Variants in HYOU1 observed in about 807,000 individuals in gnomAD.
HYOU1 encodes hypoxia up-regulated 1, also known as hypoxia up-regulated protein 1.
HYOU1 carries 40 observed loss-of-function variants against 120.5 expected under a neutral mutation model. The observed-to-expected ratio is 0.33, with a 90% CI of 0.26 to 0.43. The LOEUF is 0.43. Ranked by LOEUF, HYOU1 falls within the 20% of genes least tolerant of loss-of-function variation. HYOU1 has a pLI of 1.00. For missense variants in HYOU1, 1,085 were observed against 1,278.3 expected, an observed-to-expected ratio of 0.85 and a Z score of 2.31; for synonymous variants, 501 against 479.4, an observed-to-expected ratio of 1.05 and a Z score of -0.59.
chr11:119,051,271 C>T lies in HYOU1; in HGVS notation c.1527-98G>A. ...CTGGCACAAGGTGTCAGGGGCACTC[C>T]CCAAGGGCACACTCAAGAGGACGGA... On this transcript the variant is annotated intron_variant, in intron 13 of 25. Transcript: ENST00000617285. The surrounding 1 kb of genome is among the most constrained non-coding windows in gnomAD (Gnocchi z 4.2). 1 of 1,544,362 alleles carries T rather than the reference C, an allele frequency of 6.5e-7. No homozygotes were observed. Among genetic ancestry groups the T allele is most frequent in the Non-Finnish European group, 8.9e-7 (1 of 1,129,860 alleles).
At position 119,047,451 on chromosome 11, in the gene HYOU1, A is replaced by C; in HGVS notation, c.2595+283T>G. Reference sequence around the variant, plus strand: ...CATGACACATCAGTTTCACCTAGCCAAACCCTGGCCCATGTTCTGAACCTA... The same window carrying C: ...CATGACACATCAGTTTCACCTAGCCCAACCCTGGCCCATGTTCTGAACCTA... On this transcript the variant is annotated intron_variant, in intron 22 of 25. Coordinates refer to ENST00000617285, the MANE Select transcript of HYOU1 (RefSeq NM_006389.5). 3 of 394,956 alleles carry C rather than the reference A, an allele frequency of 7.6e-6. 1 individual carries two copies. The East Asian group carries it at 1.7e-4, about 22-fold the overall frequency. 24.5% of individuals were successfully genotyped at this position (394,956 alleles called of 1,614,324 possible).
rs1324596988 is a variant in HYOU1 at position 119,048,313 on chromosome 11, T to G, written c.2311A>C (p.Ile771Leu). 2.5e-6 allele frequency: 4 copies of G among 1,610,768 alleles called. No individual in the cohort carries two copies. Among genetic ancestry groups the G allele is most frequent in the Middle Eastern group, 1.7e-4 (1 of 5,796 alleles). ...GATGCGGCGCTGAGCTTCCCAGAGA[T>G]CTCCTCACGCTGCTCCTCTGTGGAC... ...EVSTEEQREE[I>L]SGKLSAASTW... The change falls in exon 20 of 26, where the codon ATC (isoleucine) becomes CTC (leucine). Residue 771 changes from isoleucine to leucine, a missense_variant. Ile to Leu is a conservative substitution (Grantham distance 5, BLOSUM62 2). This residue lies in a region of HYOU1 where 516 missense variants were observed against 517.1 expected (regional missense o/e 1.00). Coordinates refer to ENST00000617285, the MANE Select transcript of HYOU1 (RefSeq NM_006389.5). This position sits in a 1 kb window ranked among gnomAD's most constrained non-coding sequence, Gnocchi z 4.7.
At position 119,049,314 on chromosome 11, in the gene HYOU1, G is replaced by A. The variant is rs2133571972; in HGVS notation, c.1807-111C>T. On this transcript the variant is annotated intron_variant, in intron 16 of 25. Transcript: ENST00000617285. The stretch of plus-strand genomic sequence containing the variant: ...GTTCCATACAGGTGACTGCTGTATG[G>A]AAACGGTCAATGGCCTGCTTGGACT... 7.7e-6 allele frequency: 12 copies of A among 1,565,072 alleles called. No individual in the cohort carries two copies. In the South Asian group the frequency reaches 1.3e-4, roughly 16 times the overall value.
Position 119,048,872 on chromosome 11 carries a change from C to T in HYOU1, c.2007G>A (p.Lys669=), listed in dbSNP as rs1210554306. 1 of 1,607,380 alleles carries T rather than the reference C, an allele frequency of 6.2e-7. No individual in the cohort carries two copies. Among genetic ancestry groups the T allele is most frequent in the Non-Finnish European group, 8.5e-7 (1 of 1,177,246 alleles). ...DKSEAQKPSE[K]AEAGPEGVAP... ...CGACGCCCTCAGGCCCTGCCTCTGC[C>T]TTCTCACTTGGTTTCTGGGTGGGAA... The change falls in exon 18 of 26, where the codon AAG becomes AAA. Residue 669 remains lysine (K), a synonymous_variant. Transcript: ENST00000617285. The surrounding 1 kb of genome is among the most constrained non-coding windows in gnomAD (Gnocchi z 4.7).
chr11:119,052,364 C>T lies in HYOU1; in HGVS notation c.1053G>A (p.Leu351=), dbSNP rs2133592219. The change falls in exon 10 of 26, where the codon TTG becomes TTA. Residue 351 remains leucine, a synonymous_variant. Coordinates refer to ENST00000617285, the MANE Select transcript of HYOU1 (RefSeq NM_006389.5). The surrounding 1 kb of genome is among the most constrained non-coding windows in gnomAD (Gnocchi z 5.0). ...GCACCCGCTCAAACAAGTCTGCACACAACTCCTCAAATTCCACACGAGTCA... is the reference window on the plus strand; with the variant it reads ...GCACCCGCTCAAACAAGTCTGCACATAACTCCTCAAATTCCACACGAGTCA... ...AKVTRVEFEE[L]CADLFERVPG... is the part of the protein sequence containing the mutation. The T allele has an allele frequency of 1.9e-6, 3 of 1,614,268 alleles. No individual in the cohort carries two copies. The highest frequency in any genetic ancestry group is 2.5e-6 in the Non-Finnish European group (3 of 1,180,054).
At chr11:119,046,848 C>G (rs2133554005) in intron 22 of HYOU1, 46 bp from the exon 23 acceptor site, 1 of 1,585,416 alleles carries the variant, frequency 6.3e-7, no homozygotes, top group African/African-American at 1.3e-5. Context: ...ATGGAGAGAG[C>G]AGACATCTCT....
chr11:119,045,283 T>C lies in HYOU1; in HGVS notation c.*310A>G. 1.9e-6 allele frequency: 1 copy of C among 535,368 alleles called. No individual in the cohort carries two copies. Among genetic ancestry groups the C allele is most frequent in the Non-Finnish European group, 3.6e-6 (1 of 278,046 alleles). 33.2% of individuals were successfully genotyped at this position (535,368 alleles called of 1,614,324 possible). ...GGGACCCATCAGCCACTGGCAGCCA[T>C]TCTCTTCCTACCCACAGGCAAAGGA... On this transcript the variant is annotated 3_prime_UTR_variant, in exon 26 of 26. Transcript: ENST00000617285.
intron 14 of HYOU1, among the ~76,000 whole-genome samples, chr11:119,050,050 C>G (rs1944331799): frequency 6.6e-6 from 1 of 152,184 alleles, no homozygotes; most frequent in South Asian, 2.1e-4. Flanking sequence ...TCCAAAGAGC[C>G]CCCTACTTCT....
chr11:119,051,342 G>T lies in HYOU1; in HGVS notation c.1526+96C>A. 6.7e-7 allele frequency: 1 copy of T among 1,494,596 alleles called. No homozygotes were observed. Among genetic ancestry groups the T allele is most frequent in the Non-Finnish European group, 9.2e-7 (1 of 1,089,602 alleles). The allele number at this position is 1,494,596 out of a possible 1,614,324, so 92.6% of individuals were successfully genotyped here. A position where few individuals can be genotyped will look rare whatever the true frequency, so the allele number is the denominator to read the frequency against. ...ATCATAGCTGCCCTGTTTCAGCCCC[G>T]CAGGCCCACATCCTCCCTCACCCCC... On this transcript the variant is annotated intron_variant, in intron 13 of 25. Transcript: ENST00000617285. This position sits in a 1 kb window ranked among gnomAD's most constrained non-coding sequence, Gnocchi z 4.2.
In HYOU1 at chr11:119,056,182, G is replaced by C. The variant is rs1223081023; in HGVS notation, c.-7-15C>G. 1.9e-6 allele frequency: 3 copies of C among 1,574,588 alleles called. No homozygotes were observed. In the African/African-American group the frequency reaches 4.0e-5, roughly 21 times the overall value. On this transcript the variant is annotated splice_polypyrimidine_tract_variant and intron_variant, in intron 1 of 25. Transcript: ENST00000617285. ...CCATAGTGCCCCTGGGGGAGGCGAA[G>C]AAAGAAAACACTTAAAACTGGATAC...
At chr11:119,046,930 G>T in intron 22 of HYOU1, 128 bp from the exon 23 acceptor site, 1 of 1,215,072 alleles carries the variant, frequency 8.2e-7, no homozygotes, top group Non-Finnish European at 1.1e-6. Flanking sequence ...CCTGGCCTCA[G>T]CCCCAAGAGG....
rs1389347764 is a variant in HYOU1, at chr11:119,048,931, CTACA to C, written c.1993-49_1993-46del. 2 of 1,607,704 alleles carry C rather than the reference CTACA, an allele frequency of 1.2e-6. No individual in the cohort carries two copies. The highest frequency in any genetic ancestry group is 1.7e-6 in the Non-Finnish European group (2 of 1,177,122). ...GGTGTCAGGAAAAGCCTCTGCCCTC[CTACA>C]TTCTCCACAAGGCCAGAAACAAGGC... On this transcript the variant is annotated intron_variant, in intron 17 of 25. Coordinates refer to ENST00000617285, the MANE Select transcript of HYOU1 (RefSeq NM_006389.5). This position sits in a 1 kb window ranked among gnomAD's most constrained non-coding sequence, Gnocchi z 4.7.
At position 119,056,117 on chromosome 11, in the gene HYOU1, C is replaced by A; in HGVS notation, c.44G>T (p.Cys15Phe). 1 of 1,614,152 alleles carries A rather than the reference C, an allele frequency of 6.2e-7. No individual in the cohort carries two copies. Among genetic ancestry groups the A allele is most frequent in the Non-Finnish European group, 8.5e-7 (1 of 1,180,040 alleles). The change falls in exon 2 of 26, where the codon TGT (cysteine) becomes TTT (phenylalanine). Residue 15 changes from cysteine (C) to phenylalanine (F), a missense_variant. Around this residue, in one of 4 missense-constraint regions of HYOU1, gnomAD observed 45 missense variants for 49.2 expected, o/e 0.91. Coordinates refer to ENST00000617285, the MANE Select transcript of HYOU1 (RefSeq NM_006389.5). ...CAAGAGCACAGCCACCAAGGCCCAA[C>A]AGACTCGCCTCCTCGGCCTCTGCCT... ...VRRQRPRRRV[C>F]WALVAVLLAD... is the part of the protein sequence containing the mutation.
In HYOU1 at chr11:119,049,168, G is replaced by C. The variant is rs143887472; in HGVS notation, c.1842C>G (p.Asp614Glu). The change falls in exon 17 of 26, where the codon GAC becomes GAG. Residue 614 changes from aspartate (D) to glutamate (E), a missense_variant. Physicochemically the swap from Asp to Glu is conservative, Grantham distance 45 (BLOSUM62 2). Transcript: ENST00000617285. ...TGAGCTCCACCTGCTCCCCAGGCTC[G>C]TCCTTGCTCCCCTCTGCAGGGCTCT... is the stretch of plus-strand genomic sequence containing the variant. The part of the protein sequence containing the change: ...EEESPAEGSK[D>E]EPGEQVELKE... The C allele has an allele frequency of 2.5e-6, 4 of 1,609,910 alleles. No individual in the cohort carries two copies. Among genetic ancestry groups the C allele is most frequent in the Non-Finnish European group, 3.4e-6 (4 of 1,177,888 alleles).
At chr11:119,053,111 G>A (rs1354392480) in intron 8 of HYOU1, 2 of 386,896 alleles carry the variant, frequency 5.2e-6, no homozygotes, top group Non-Finnish European at 9.3e-6. Context: ...AGAGAGACAG[G>A]GTCCCTGCTA....
Position 119,055,930 on chromosome 11 carries a change from G to A in HYOU1, c.92-87C>T. The stretch of plus-strand genomic sequence containing the variant: ...TAATCAAAGCATACCACTTTCCATG[G>A]GTAAACGAAGATGGCAAAAGACAAA... On this transcript the variant is annotated intron_variant, in intron 2 of 25. Transcript: ENST00000617285. This position sits in a 1 kb window ranked among gnomAD's most constrained non-coding sequence, Gnocchi z 4.0. 7.1e-7 allele frequency: 1 copy of A among 1,401,590 alleles called. No individual in the cohort carries two copies. The highest frequency in any genetic ancestry group is 1.0e-6 in the Non-Finnish European group (1 of 988,760). 86.8% of individuals were successfully genotyped at this position (1,401,590 alleles called of 1,614,324 possible). A position where few individuals can be genotyped will look rare whatever the true frequency, so the allele number is the denominator to read the frequency against.
chr11:119,053,670 G>A (rs1227734488), intron 8 of HYOU1: 1 of 153,724 alleles, frequency 6.5e-6, no homozygotes, highest in East Asian at 1.9e-4. Flanking sequence ...GGTAACTTGG[G>A]CTGGGTGGTA....
At chr11:119,045,688 G>A (rs782266299) in intron 25 of HYOU1, 34 bp from the exon 26 acceptor site, 42 of 1,612,314 alleles carry the variant, frequency 2.6e-5, no homozygotes, top group South Asian at 3.3e-5. Flanking sequence ...AGGAATCACC[G>A]CAGGTGAAAC....
chr11:119,054,334 A>C (rs1944626683), intron 7 of HYOU1, 98 bp from the exon 8 acceptor site: 1 of 1,224,288 alleles, frequency 8.2e-7, no homozygotes, highest in Non-Finnish European at 1.2e-6. Flanking sequence ...CTGACTCTTA[A>C]CACAAAACTA....
Sources: gnomAD v4.1 joint callset for allele counts (sites outside exome capture counted in the v4.1 genomes callset) on GRCh38, gnomAD v4.1.1 for gene constraint, gnomAD v4.1.1 regional missense constraint, Gnocchi (gnomAD v3.1) non-coding constraint, MANE v1.5 for transcripts, NCBI Gene and HGNC (gene_info 2026-07-23, HGNC 2026-07-21) for gene names.